The following VAV2 variants were observed in gnomAD, a reference collection of about 807,000 sequenced individuals.
VAV2 encodes the protein vav guanine nucleotide exchange factor 2.
In VAV2, 67 loss-of-function variants were observed where a neutral mutation model predicts 132.5. That is an observed-to-expected ratio of 0.51 (90% CI 0.42 to 0.62). The LOEUF (loss-of-function observed/expected upper bound fraction) is 0.62. Among genes scored for constraint, VAV2 ranks in the 20% least tolerant of loss-of-function variants. The probability of loss-of-function intolerance (pLI) is 0.00; values close to 1 mark genes in which losing one functional copy is unlikely to be tolerated. For synonymous variants in VAV2, 492 were observed against 443.5 expected, an observed-to-expected ratio of 1.11 and a Z score of -1.37; for missense variants, 938 against 1,153.6, an observed-to-expected ratio of 0.81 and a Z score of 2.71.
At chr9:133,764,250 T>C in intron 29 of VAV2, 141 bp from the exon 30 acceptor site, 2 of 1,045,006 alleles carry the variant, frequency 1.9e-6, no homozygotes, top group Non-Finnish European at 2.8e-6. Context: ...CAGAAGGACC[T>C]GGTGGAACCA....
At chr9:133,805,775 C>G (rs923297561) in intron 9 of VAV2, among the ~76,000 whole-genome samples, 1 of 152,214 alleles carries the variant, frequency 6.6e-6, no homozygotes, top group African/African-American at 2.4e-5. Context: ...AGTGGGGGCC[C>G]GAGATCTCCG....
At chr9:133,790,770 G>A (rs1259911987) in intron 13 of VAV2, among the ~76,000 whole-genome samples, 2 of 152,162 alleles carry the variant, frequency 1.3e-5, no homozygotes, top group African/African-American at 2.4e-5. Flanking sequence ...TATCGCAGGT[G>A]CTTTTCCGTG....
intron 4 of VAV2, 48 bp from the exon 5 acceptor site, chr9:133,812,264 C>T: frequency 6.3e-7 from 1 of 1,585,622 alleles, no homozygotes; most frequent in Non-Finnish European, 8.7e-7. Flanking sequence ...TCCCGCCACC[C>T]TGACCGGGGA....
chr9:133,869,699 G>C (rs1234792316), intron 2 of VAV2, among the ~76,000 whole-genome samples: 1 of 152,208 alleles, frequency 6.6e-6, no homozygotes, highest in Non-Finnish European at 1.5e-5. Flanking sequence ...CCTGCTCTCA[G>C]AGGCTCTGCC....
At chr9:133,835,473 G>A (rs995226696) in intron 3 of VAV2, among the ~76,000 whole-genome samples, 2 of 152,204 alleles carry the variant, frequency 1.3e-5, no homozygotes, top group South Asian at 4.1e-4. Flanking sequence ...GGGGGCTGCA[G>A]CTGGCTCAAC....
chr9:133,943,092 A>T (rs1841229187), intron 1 of VAV2, among the ~76,000 whole-genome samples: 1 of 152,128 alleles, frequency 6.6e-6, no homozygotes, highest in Non-Finnish European at 1.5e-5. Flanking sequence ...CCAAGAATGA[A>T]GCCATGTCGA....
chr9:133,908,150 G>T (rs943271916), intron 2 of VAV2, among the ~76,000 whole-genome samples: 2 of 148,922 alleles, frequency 1.3e-5, no homozygotes, highest in Non-Finnish European at 3.0e-5. Context: ...GCCCCCCAAA[G>T]AGTGGAACTG....
chr9:133,815,511 C>T (rs533437984), intron 4 of VAV2, among the ~76,000 whole-genome samples: 3 of 152,240 alleles, frequency 2.0e-5, no homozygotes, highest in South Asian at 2.1e-4. Flanking sequence ...TCACCACAGA[C>T]GAGCCTTGTC....
At chr9:133,847,905 C>A (rs191006276) in intron 3 of VAV2, among the ~76,000 whole-genome samples, 2 of 152,126 alleles carry the variant, frequency 1.3e-5, no homozygotes, top group African/African-American at 4.8e-5. Context: ...TGCCAAAAAC[C>A]GTGCTGATCA....
chr9:133,776,279 G>GC (rs1482633656), intron 23 of VAV2, among the ~76,000 whole-genome samples, 199 bp from the exon 24 acceptor site: 1 of 152,234 alleles, frequency 6.6e-6, no homozygotes, highest in African/African-American at 2.4e-5. Context: ...CTGAGTAGAT[G>GC]CCCCGTGGGT....
At chr9:133,845,436 G>C (rs566386714) in intron 3 of VAV2, among the ~76,000 whole-genome samples, 5 of 152,346 alleles carry the variant, frequency 3.3e-5, no homozygotes, top group Admixed American at 2.0e-4. Context: ...CCGCACTGGG[G>C]GTTCTCTGCA....
At chr9:133,853,109 C>T (rs551933724) in intron 3 of VAV2, among the ~76,000 whole-genome samples, 2 of 152,352 alleles carry the variant, frequency 1.3e-5, no homozygotes, top group South Asian at 2.1e-4. Flanking sequence ...AGGTAAAAGC[C>T]GTGGCAGGCC....
chr9:133,796,117 T>C (rs935205161), intron 11 of VAV2, among the ~76,000 whole-genome samples: 4 of 152,246 alleles, frequency 2.6e-5, no homozygotes, highest in Non-Finnish European at 4.4e-5. Context: ...CATGTCCATT[T>C]CTGCCATGGC....
Position 133,823,602 on chromosome 9 carries a change from G to A in VAV2, c.449+10670C>T, listed in dbSNP as rs959601364. ...AGTTCCAGAACAGCACGAGGAGGGC[G>A]ATTTAGAGGGGGAGGGACCTTCATC... On this transcript the variant is annotated intron_variant, in intron 4 of 29. Transcript: ENST00000371850. This position sits in a 1 kb window ranked among gnomAD's most constrained non-coding sequence, Gnocchi z 5.5. Among the ~76,000 whole-genome samples the A allele has an allele frequency of 2.6e-5, 4 of 152,162 alleles. No homozygotes were observed. The highest frequency in any genetic ancestry group is 7.2e-5 in the African/African-American group (3 of 41,430).
At chr9:133,818,150 G>A (rs1301680647) in intron 4 of VAV2, among the ~76,000 whole-genome samples, 3 of 152,116 alleles carry the variant, frequency 2.0e-5, no homozygotes, top group Non-Finnish European at 4.4e-5. Flanking sequence ...AGATCACGAG[G>A]TCAGGAGATC....
At position 133,981,270 on chromosome 9, in the gene VAV2, C is replaced by T. The variant is rs142425008; in HGVS notation, c.204+10805G>A. Among the ~76,000 whole-genome samples the T allele has an allele frequency of 7.9e-4, 121 of 152,348 alleles. 1 individual carries two copies. Among genetic ancestry groups the T allele is most frequent in the Non-Finnish European group, 1.5e-3 (103 of 68,036 alleles). On this transcript the variant is annotated intron_variant, in intron 1 of 29. Coordinates refer to ENST00000371850, the MANE Select transcript of VAV2 (RefSeq NM_001134398.2). ...GATTCTGCTTGCCCCAGAATGCCTC[C>T]TTCTGCAGACAGGCACTAGTGACCA...
rs1838698843 is a variant in VAV2, at chr9:133,886,247, T to C, written c.322-24815A>G. 2.0e-5 allele frequency among the ~76,000 whole-genome samples: 3 copies of C among 152,254 alleles called. No individual in the cohort carries two copies. The South Asian group carries it at 6.2e-4, about 32-fold the overall frequency. ...CAAGAAACTCCGCAAGAATAGCACA[T>C]GAGGGGCTGGGCCTCGTCTGATGCT... On this transcript the variant is annotated intron_variant, in intron 2 of 29. Transcript: ENST00000371850.
intron 12 of VAV2, among the ~76,000 whole-genome samples, chr9:133,792,108 ACTGTGTGGGGTGTGTGTGAGCGGGTTGTG>A (rs1834497522): frequency 1.1e-4 from 4 of 35,568 alleles, no homozygotes; most frequent in Admixed American, 3.5e-4. Context: ...AGCGGGCTGT[ACTGTGTGGGGTGTGTGTGAGCGGGTTGTG>A]CTGGGTGGGG....
chr9:133,971,988 T>A (rs974289913), intron 1 of VAV2, among the ~76,000 whole-genome samples: 6 of 152,100 alleles, frequency 3.9e-5, no homozygotes, highest in Admixed American at 3.9e-4. Flanking sequence ...TCACCAGAGA[T>A]GCAGATAGGC....
Sources: allele counts gnomAD v4.1 joint callset (sites outside exome capture counted in the v4.1 genomes callset), GRCh38; gene constraint gnomAD v4.1.1; non-coding constraint Gnocchi (gnomAD v3.1); transcripts MANE v1.5; gene names NCBI Gene and HGNC (gene_info 2026-07-23, HGNC 2026-07-21).